Variants in ARHGEF12 observed in about 807,000 individuals in gnomAD.
ARHGEF12 encodes the protein KMT2A/ARHGEF12 fusion protein.
In ARHGEF12, 66 loss-of-function variants were observed where a neutral mutation model predicts 211.2. The observed-to-expected ratio is 0.31, with a 90% confidence interval of 0.26 to 0.38. The LOEUF (loss-of-function observed/expected upper bound fraction) is 0.38. ARHGEF12 is among the 10% of genes least tolerant of loss of function. The pLI is 1.00. For missense variants in ARHGEF12, 1,429 were observed against 1,869.5 expected (o/e 0.76, Z 4.34); for synonymous variants, 592 against 638.4 (o/e 0.93, Z 1.09).
At chr11:120,441,670 G>A (rs764798551) in intron 13 of ARHGEF12, 37 bp from the exon 14 acceptor site, 1 of 1,520,264 alleles carries the variant, frequency 6.6e-7, no homozygotes, top group African/African-American at 1.4e-5. Flanking sequence ...GTATTTGTAT[G>A]TTGGAGTTAC....
intron 8 of ARHGEF12, 132 bp from the exon 9 acceptor site, chr11:120,429,308 G>A (rs1175727587): frequency 3.1e-5 from 19 of 613,286 alleles, no homozygotes; most frequent in Non-Finnish European, 3.9e-5. Context: ...CACATAACCC[G>A]GAAGTAAAAA....
Position 120,478,149 on chromosome 11 carries a change from T to C in ARHGEF12, c.3533-7T>C. 1.3e-6 allele frequency: 2 copies of C among 1,596,344 alleles called. No individual in the cohort carries two copies. The highest frequency in any genetic ancestry group is 2.2e-5 in the East Asian group (1 of 44,742). The stretch of plus-strand genomic sequence containing the variant: ...ATATAGTCTACCTTTTCTATTCCAT[T>C]GGACAGACAGAGATTTGGGATTAGA... On this transcript the variant is annotated splice_region_variant and splice_polypyrimidine_tract_variant and intron_variant, in intron 36 of 40. Coordinates refer to ENST00000397843, the MANE Select transcript of ARHGEF12 (RefSeq NM_015313.3).
rs369161066 is a variant in ARHGEF12 at position 120,467,208 on chromosome 11, T to C, written c.2754T>C (p.Asn918=). The C allele has an allele frequency of 2.9e-5, 47 of 1,609,162 alleles. No homozygotes were observed. The highest frequency in any genetic ancestry group is 8.4e-5 in the Admixed American group (5 of 59,614). The change falls in exon 29 of 41, where the codon AAT becomes AAC. Residue 918 remains asparagine, a synonymous_variant. Coordinates refer to ENST00000397843, the MANE Select transcript of ARHGEF12 (RefSeq NM_015313.3). ...TTTAATTTTAGGATGCTGAAAGTAA[T>C]CCACTGTGTCGTCGTCTTCAACTGA... The part of the protein sequence containing the change: ...FQTFVQDAES[N]PLCRRLQLKD...
At chr11:120,351,044 G>A (rs967197615) in intron 1 of ARHGEF12, among the ~76,000 whole-genome samples, 3 of 152,006 alleles carry the variant, frequency 2.0e-5, no homozygotes, top group Non-Finnish European at 4.4e-5. Context: ...GTGACAAAGA[G>A]CATTTTTAAA....
intron 4 of ARHGEF12, among the ~76,000 whole-genome samples, chr11:120,414,697 T>C (rs1944979764): frequency 6.6e-6 from 1 of 152,178 alleles, no homozygotes; most frequent in South Asian, 2.1e-4. Flanking sequence ...CCAAGAACAA[T>C]GGGACGGAAG....
At chr11:120,380,491 G>A (rs937921657) in intron 1 of ARHGEF12, among the ~76,000 whole-genome samples, 2 of 152,010 alleles carry the variant, frequency 1.3e-5, no homozygotes, top group Non-Finnish European at 2.9e-5. Flanking sequence ...TGTTTGTCAC[G>A]ACCTTGCCAT....
Position 120,430,959 on chromosome 11 carries a change from A to G in ARHGEF12, c.784-812A>G, listed in dbSNP as rs1265944203. ...ACAGTTTTATGTTATTACTAGGCAA[A>G]TATAATATTCTTACCCTGTTTGGAC... On this transcript the variant is annotated intron_variant, in intron 10 of 40. Transcript: ENST00000397843. Among the ~76,000 whole-genome samples, 4 of 152,140 alleles carry G rather than the reference A, an allele frequency of 2.6e-5. No homozygotes were observed. The South Asian group carries it at 6.2e-4, about 24-fold the overall frequency.
At chr11:120,484,543 A>G (rs1484217576) in intron 40 of ARHGEF12, 36 bp downstream of exon 40, 1 of 1,518,342 alleles carries the variant, frequency 6.6e-7, no homozygotes, top group South Asian at 1.1e-5. Flanking sequence ...CTCTAGACTA[A>G]TCATCCTACA....
rs764335211 is a variant in ARHGEF12, at chr11:120,337,147, C to A, written c.-97C>A. 3 of 1,446,782 alleles carry A rather than the reference C, an allele frequency of 2.1e-6. No individual in the cohort carries two copies. Among genetic ancestry groups the A allele is most frequent in the Non-Finnish European group, 2.9e-6 (3 of 1,029,236 alleles). The allele number at this position is 1,446,782 out of a possible 1,614,324, so 89.6% of individuals were successfully genotyped here. ...TTGAGTTGGACTTTTGTGTCCCTGACGGAGTTGGGCCTGATCCCAGAGCAC... is the reference window on the plus strand; with the variant it reads ...TTGAGTTGGACTTTTGTGTCCCTGAAGGAGTTGGGCCTGATCCCAGAGCAC... On this transcript the variant is annotated 5_prime_UTR_variant, in exon 1 of 41. Transcript: ENST00000397843.
chr11:120,434,242 C>T (rs1444813201), intron 11 of ARHGEF12, among the ~76,000 whole-genome samples: 1 of 152,094 alleles, frequency 6.6e-6, no homozygotes, highest in African/African-American at 2.4e-5. Flanking sequence ...TATTCAGTAC[C>T]TACTTTGTGC....
At chr11:120,457,851 G>A in intron 24 of ARHGEF12, 95 bp downstream of exon 24, 7 of 1,349,150 alleles carry the variant, frequency 5.2e-6, no homozygotes, top group Non-Finnish European at 5.1e-6. Context: ...AAGAAACCCT[G>A]TATACCAATC....
At chr11:120,436,191 G>A (rs192657557) in intron 11 of ARHGEF12, among the ~76,000 whole-genome samples, 16 of 152,096 alleles carry the variant, frequency 1.1e-4, no homozygotes, top group Non-Finnish European at 2.1e-4. Context: ...ATTTTCTCCT[G>A]TGTTCTTTTG....
intron 22 of ARHGEF12, among the ~76,000 whole-genome samples, chr11:120,453,301 T>C (rs1342383738): frequency 1.3e-5 from 2 of 152,030 alleles, no homozygotes; most frequent in African/African-American, 4.8e-5. Context: ...CTGTGACTTA[T>C]TAAAATAAAA....
intron 21 of ARHGEF12, chr11:120,450,926 C>G (rs1011312687): frequency 4.6e-5 from 7 of 152,750 alleles, no homozygotes; most frequent in Non-Finnish European, 1.0e-4. Context: ...TCTTCTTTCC[C>G]TACATCCTCC....
At chr11:120,406,094 A>G (rs747696715) in intron 1 of ARHGEF12, 24 bp from the exon 2 acceptor site, 3 of 1,523,894 alleles carry the variant, frequency 2.0e-6, no homozygotes, top group African/African-American at 1.4e-5. Flanking sequence ...AACTACATCT[A>G]TCCTTATTTT....
intron 4 of ARHGEF12, chr11:120,411,330 G>C (rs1195555117): frequency 6.6e-6 from 1 of 152,126 alleles, no homozygotes; most frequent in Non-Finnish European, 1.5e-5. Context: ...TTTATCACCT[G>C]TGTGAATAGA....
intron 9 of ARHGEF12, 45 bp downstream of exon 9, chr11:120,429,562 G>T: frequency 6.3e-7 from 1 of 1,595,336 alleles, no homozygotes; most frequent in South Asian, 1.1e-5. Flanking sequence ...ATAAAAATGT[G>T]AGTGGGCATG....
chr11:120,388,477 A>T (rs1944107942), intron 1 of ARHGEF12, among the ~76,000 whole-genome samples: 1 of 152,164 alleles, frequency 6.6e-6, no homozygotes, highest in Admixed American at 6.5e-5. Flanking sequence ...CTCTTAGGTA[A>T]ACACCCAGGA....
intron 33 of ARHGEF12, 108 bp downstream of exon 33, chr11:120,475,615 A>G (rs1947005628): frequency 7.6e-6 from 9 of 1,187,794 alleles, no homozygotes; most frequent in Admixed American, 7.5e-5. Flanking sequence ...TGCTATTTTT[A>G]TATTCTTAAG....
Sources: allele counts gnomAD v4.1 joint callset (sites outside exome capture counted in the v4.1 genomes callset), GRCh38; gene constraint gnomAD v4.1.1; transcripts MANE v1.5; gene names NCBI Gene and HGNC (gene_info 2026-07-23, HGNC 2026-07-21).